The following NLRC4 variants were observed in gnomAD, a reference collection of about 807,000 sequenced individuals.
NLRC4 encodes NLR family CARD domain containing 4, also known as NLR family CARD domain-containing protein 4.
Under a neutral mutation model 79.9 loss-of-function variants are expected in NLRC4, and 63 were observed. That is an observed-to-expected ratio of 0.79 (90% CI 0.64 to 0.97). NLRC4 has a LOEUF of 0.97. Ranked by LOEUF, NLRC4 falls within the 50% of genes least tolerant of loss-of-function variation. NLRC4 has a pLI of 0.00. For missense variants in NLRC4, 1,074 were observed against 1,215.2 expected (o/e 0.88, Z 1.73); for synonymous variants, 461 against 456.5 (o/e 1.01, Z -0.12).
At chr2:32,246,825 C>T (rs1466516354) in intron 4 of NLRC4, among the ~76,000 whole-genome samples, 2 of 152,086 alleles carry the variant, frequency 1.3e-5, no homozygotes, top group Non-Finnish European at 2.9e-5. Flanking sequence ...CTGTGTTGCC[C>T]AGGCACAGAT....
At chr2:32,246,175 C>A (rs1237906828) in intron 4 of NLRC4, among the ~76,000 whole-genome samples, 1 of 152,042 alleles carries the variant, frequency 6.6e-6, no homozygotes, top group Admixed American at 6.6e-5. Context: ...CAGAGTGAGA[C>A]CCTGTCTCAA....
At position 32,252,419 on chromosome 2, in the gene NLRC4, T is replaced by G. The variant is rs1459428391; in HGVS notation, c.262A>C (p.Ser88Arg). The G allele has an allele frequency of 6.2e-7, 1 of 1,604,790 alleles. No individual in the cohort carries two copies. Among genetic ancestry groups the G allele is most frequent in the East Asian group, 2.2e-5 (1 of 44,848 alleles). Residue 88 changes from serine (S) to arginine (R), a missense_variant and splice_region_variant, in exon 3 of 9, where the codon AGT becomes CGT. Coordinates refer to ENST00000402280, the MANE Select transcript of NLRC4 (RefSeq NM_001199138.2). ...AGATGCAAAACTAACTGATACTTAC[T>G]TTGTCCATTCAAGTCCTGAAATAGA... ...YPLFQDLNGQ[S>R]LFHQTSEGDL...
chr2:32,256,941 G>A lies in NLRC4; in HGVS notation c.-118-48C>T, dbSNP rs551280845. The A allele has an allele frequency of 1.9e-5, 11 of 568,366 alleles. No homozygotes were observed. The Admixed American group carries it at 2.9e-4, about 15-fold the overall frequency. The allele number at this position is 568,366 out of a possible 1,614,324, so 35.2% of individuals were successfully genotyped here. ...CCAGAGACTATCAGGTGGAGGGGCT[G>A]ATGCAATTATCTAGGTAATGCCCCG... On this transcript the variant is annotated intron_variant, in intron 1 of 8. Coordinates refer to ENST00000402280, the MANE Select transcript of NLRC4 (RefSeq NM_001199138.2).
chr2:32,242,093 G>A lies in NLRC4; in HGVS notation c.2258-968C>T, dbSNP rs144194607. ...TCACTATGTTGCCCAGGCTGGTCTC[G>A]GACTCCTGAGCACAAGTGATCCTTT... On this transcript the variant is annotated intron_variant, in intron 4 of 8. Coordinates refer to ENST00000402280, the MANE Select transcript of NLRC4 (RefSeq NM_001199138.2). Among the ~76,000 whole-genome samples the A allele has an allele frequency of 9.8e-3, 1,483 of 151,888 alleles. 22 individuals are homozygous for A. The highest frequency in any genetic ancestry group is 0.015 in the Non-Finnish European group (1,001 of 67,924).
intron 4 of NLRC4, among the ~76,000 whole-genome samples, chr2:32,248,979 A>G (rs1687002300): frequency 6.6e-6 from 1 of 152,208 alleles, no homozygotes; most frequent in African/African-American, 2.4e-5. Context: ...TGATTTCAGT[A>G]ACTTTCTCCT....
chr2:32,247,007 C>G (rs1025780037), intron 4 of NLRC4, among the ~76,000 whole-genome samples: 2 of 152,220 alleles, frequency 1.3e-5, no homozygotes, highest in Non-Finnish European at 2.9e-5. Context: ...ATCCTCCTGC[C>G]TTGGCCTCCC....
chr2:32,241,817 C>T (rs1413416744), intron 4 of NLRC4, among the ~76,000 whole-genome samples: 3 of 151,948 alleles, frequency 2.0e-5, no homozygotes, highest in African/African-American at 7.3e-5. Context: ...AAATCTGCAG[C>T]TCTCTCCTCA....
intron 1 of NLRC4, among the ~76,000 whole-genome samples, chr2:32,260,161 G>A (rs539689614): frequency 5.4e-5 from 8 of 146,968 alleles, no homozygotes; most frequent in South Asian, 4.3e-4. Context: ...CCCAGGAAGC[G>A]GAGGTTGCAG....
chr2:32,252,576 G>C lies in NLRC4; in HGVS notation c.105C>G (p.Arg35=). The change falls in exon 3 of 9, where the codon CGC becomes CGG. Residue 35 remains arginine, a synonymous_variant. Coordinates refer to ENST00000402280, the MANE Select transcript of NLRC4 (RefSeq NM_001199138.2). ...CGCAGCAAATGATGTTTACTTCTTC[G>C]CGATTCAGAACATTCCATACAAATA... ...DDLFVWNVLN[R]EEVNIICCEK... is the part of the protein sequence containing the mutation. The C allele has an allele frequency of 6.2e-7, 1 of 1,614,086 alleles. No individual in the cohort carries two copies. The highest frequency in any genetic ancestry group is 2.2e-5 in the East Asian group (1 of 44,890).
At position 32,252,492 on chromosome 2, in the gene NLRC4, T is replaced by C; in HGVS notation, c.189A>G (p.Ser63=). ...GIIHMILKKG[S]ESCNLFLKSL... Reference sequence around the variant, plus strand: ...ATTTAAGAAAGAGGTTACAGGACTCTGAACCCTTTTTCAAAATCATGTGAA... The same window carrying C: ...ATTTAAGAAAGAGGTTACAGGACTCCGAACCCTTTTTCAAAATCATGTGAA... The change falls in exon 3 of 9, where the codon TCA becomes TCG. Residue 63 remains serine (S), a synonymous_variant. Coordinates refer to ENST00000402280, the MANE Select transcript of NLRC4 (RefSeq NM_001199138.2). The C allele has an allele frequency of 6.2e-7, 1 of 1,613,144 alleles. No individual in the cohort carries two copies. Among genetic ancestry groups the C allele is most frequent in the Non-Finnish European group, 8.5e-7 (1 of 1,179,062 alleles).
At chr2:32,257,012 G>A (rs1322332266) in intron 1 of NLRC4, 119 bp from the exon 2 acceptor site, 4 of 483,560 alleles carry the variant, frequency 8.3e-6, no homozygotes, top group Admixed American at 3.4e-5. Context: ...AAAAAAACTC[G>A]CTCAAAGCCC....
At chr2:32,258,913 GA>G (rs1289352588) in intron 1 of NLRC4, among the ~76,000 whole-genome samples, 3 of 152,120 alleles carry the variant, frequency 2.0e-5, no homozygotes, top group African/African-American at 7.2e-5. Flanking sequence ...GCATCAGGAT[GA>G]AGATGCAAAG....
chr2:32,242,882 A>G (rs893074444), intron 4 of NLRC4, among the ~76,000 whole-genome samples: 5 of 152,042 alleles, frequency 3.3e-5, no homozygotes, highest in Non-Finnish European at 7.4e-5. Context: ...CCCTATCCCT[A>G]CAAAATATTT....
intron 1 of NLRC4, among the ~76,000 whole-genome samples, chr2:32,259,166 G>A (rs1280921612): frequency 6.6e-6 from 1 of 151,532 alleles, no homozygotes; most frequent in East Asian, 1.9e-4. Context: ...CCCCATCATG[G>A]CTCACGGCAT....
intron 8 of NLRC4, among the ~76,000 whole-genome samples, chr2:32,226,306 T>C (rs970555320): frequency 2.0e-5 from 3 of 152,208 alleles, no homozygotes; most frequent in Non-Finnish European, 1.5e-5. Context: ...GTGTAGTTTG[T>C]TCAGTGCAAC....
intron 8 of NLRC4, among the ~76,000 whole-genome samples, chr2:32,232,715 C>A (rs922173556): frequency 3.3e-5 from 5 of 152,060 alleles, no homozygotes; most frequent in African/African-American, 1.2e-4. Flanking sequence ...GAAGGCAAGT[C>A]AAAATAGAAA....
At chr2:32,263,445 T>C (rs1237807165) in intron 1 of NLRC4, among the ~76,000 whole-genome samples, 3 of 152,250 alleles carry the variant, frequency 2.0e-5, no homozygotes, top group African/African-American at 7.2e-5. Context: ...AGAATGTTCT[T>C]AGGTCTTTAA....
chr2:32,237,906 A>C (rs1237753140), intron 6 of NLRC4, among the ~76,000 whole-genome samples: 1 of 152,220 alleles, frequency 6.6e-6, no homozygotes, highest in Non-Finnish European at 1.5e-5. Context: ...TCTAAAAATT[A>C]CATCTTCAAT....
chr2:32,257,013 C>T (rs968646467), intron 1 of NLRC4, 120 bp from the exon 2 acceptor site: 4 of 483,414 alleles, frequency 8.3e-6, no homozygotes, highest in African/African-American at 7.7e-5. Context: ...AAAAAACTCG[C>T]TCAAAGCCCC....
Sources: gnomAD v4.1 joint callset for allele counts (sites outside exome capture counted in the v4.1 genomes callset) on GRCh38, gnomAD v4.1.1 for gene constraint, MANE v1.5 for transcripts, NCBI Gene and HGNC (gene_info 2026-07-23, HGNC 2026-07-21) for gene names.